Variants in PLD5 observed in about 807,000 individuals in gnomAD.
PLD5 encodes phospholipase D family member 5.
PLD5 carries 36 observed loss-of-function variants against 61.1 expected under a neutral mutation model. The ratio of observed to expected loss-of-function variants is 0.59; its 90% CI spans 0.45 to 0.78. The LOEUF (loss-of-function observed/expected upper bound fraction) is 0.78. PLD5 is among the 30% of genes least tolerant of loss of function. The pLI is 0.00. For synonymous variants in PLD5, 243 were observed against 242.8 expected (o/e 1.00, Z -0.01); for missense variants, 515 against 644.4 (o/e 0.80, Z 2.17).
At chr1:242,361,147 A>G (rs560535163) in intron 1 of PLD5, among the ~76,000 whole-genome samples, 12 of 152,158 alleles carry the variant, frequency 7.9e-5, no homozygotes, top group Admixed American at 6.5e-5. Context: ...TAACTCTCAT[A>G]AATTTATTTT....
intron 2 of PLD5, among the ~76,000 whole-genome samples, chr1:242,304,930 C>T (rs1676262523): frequency 6.6e-6 from 1 of 152,048 alleles, no homozygotes; most frequent in Admixed American, 6.6e-5. Flanking sequence ...ATGGTGAAAC[C>T]CTGTCTCTAC....
intron 7 of PLD5, among the ~76,000 whole-genome samples, chr1:242,109,549 C>T (rs1477927778): frequency 1.3e-5 from 2 of 152,188 alleles, no homozygotes; most frequent in East Asian, 1.9e-4. Context: ...CACAAGACTC[C>T]CCCAGTGGTC....
At chr1:242,247,763 T>A (rs1672474273) in intron 4 of PLD5, among the ~76,000 whole-genome samples, 1 of 152,212 alleles carries the variant, frequency 6.6e-6, no homozygotes. Context: ...GCTATTCTCC[T>A]TCAATGTGAT....
At chr1:242,249,592 C>A (rs1041079154) in intron 4 of PLD5, among the ~76,000 whole-genome samples, 3 of 152,166 alleles carry the variant, frequency 2.0e-5, no homozygotes, top group Non-Finnish European at 2.9e-5. Context: ...TCACTTAATA[C>A]CTCTGCCCAA....
At chr1:242,366,915 A>C (rs1490941459) in intron 1 of PLD5, among the ~76,000 whole-genome samples, 1 of 152,202 alleles carries the variant, frequency 6.6e-6, no homozygotes, top group Non-Finnish European at 1.5e-5. Flanking sequence ...TTTACTACTT[A>C]TAAACTTCCA....
At chr1:242,483,607 A>G (rs1667858604) in intron 1 of PLD5, among the ~76,000 whole-genome samples, 1 of 152,176 alleles carries the variant, frequency 6.6e-6, no homozygotes, top group Admixed American at 6.5e-5. Flanking sequence ...CACAGTAATA[A>G]TGGGAGACTT....
intron 4 of PLD5, among the ~76,000 whole-genome samples, chr1:242,261,684 A>C (rs1673381488): frequency 6.6e-6 from 1 of 152,226 alleles, no homozygotes; most frequent in Non-Finnish European, 1.5e-5. Flanking sequence ...AAATACTTGC[A>C]GAGGCACCTT....
At chr1:242,112,942 C>T (rs989638591) in intron 7 of PLD5, among the ~76,000 whole-genome samples, 1 of 152,218 alleles carries the variant, frequency 6.6e-6, no homozygotes, top group African/African-American at 2.4e-5. Context: ...TCATAAATTC[C>T]ATCCCTGAAT....
At chr1:242,375,118 G>C (rs1016826520) in intron 1 of PLD5, among the ~76,000 whole-genome samples, 1 of 152,124 alleles carries the variant, frequency 6.6e-6, no homozygotes, top group Non-Finnish European at 1.5e-5. Flanking sequence ...CCCGAGCTGC[G>C]TAACCATCCA....
At chr1:242,229,696 A>G (rs1443043926) in intron 4 of PLD5, among the ~76,000 whole-genome samples, 1 of 152,140 alleles carries the variant, frequency 6.6e-6, no homozygotes, top group African/African-American at 2.4e-5. Context: ...GTGAAGAGAA[A>G]TATAATTGAC....
intron 4 of PLD5, among the ~76,000 whole-genome samples, chr1:242,252,816 C>CTTTTT: frequency 8.3e-6 from 1 of 120,656 alleles, no homozygotes; most frequent in African/African-American, 3.1e-5. Flanking sequence ...TCTTCAGTGC[C>CTTTTT]TTTTTTTTTT....
At chr1:242,474,456 G>A (rs111865632) in intron 1 of PLD5, among the ~76,000 whole-genome samples, 116 of 152,252 alleles carry the variant, frequency 7.6e-4, no homozygotes, top group Admixed American at 1.9e-3. Flanking sequence ...CTTCAATTAT[G>A]TCCCTTTCTT....
intron 2 of PLD5, among the ~76,000 whole-genome samples, chr1:242,333,865 T>C (rs1659342781): frequency 1.3e-5 from 2 of 152,304 alleles, no homozygotes; most frequent in South Asian, 2.1e-4. Flanking sequence ...ATTGCATATA[T>C]ATATATACCA....
At chr1:242,380,486 A>G (rs74588437) in intron 1 of PLD5, among the ~76,000 whole-genome samples, 9,877 of 152,250 alleles carry the variant, frequency 0.065, 378 homozygotes, top group Admixed American at 0.099. Context: ...AGAATGCTCA[A>G]TGTTATTTGG....
At chr1:242,435,041 G>A (rs1206853034) in intron 1 of PLD5, among the ~76,000 whole-genome samples, 2 of 138,632 alleles carry the variant, frequency 1.4e-5, no homozygotes, top group Non-Finnish European at 3.0e-5. Flanking sequence ...TCACTCCCCA[G>A]CCCTTGTTTT....
chr1:242,170,175 C>A lies in PLD5; in HGVS notation c.736-45510G>T, dbSNP rs545565359. ...AGGTGGGGCCAACAGACACCTCATG[C>A]ATTAGAGCTCCAACTGGCATCTGGC... On this transcript the variant is annotated intron_variant, in intron 5 of 9. Transcript: ENST00000536534. 3.7e-4 allele frequency among the ~76,000 whole-genome samples: 56 copies of A among 152,306 alleles called. 1 individual carries two copies. In the South Asian group the frequency reaches 0.012, roughly 32 times the overall value.
At chr1:242,376,854 C>T in intron 1 of PLD5, 1 of 1,490,418 alleles carries the variant, frequency 6.7e-7, no homozygotes, top group Non-Finnish European at 8.9e-7. Context: ...CCACTGCAAA[C>T]TTTTTGTAAC....
At chr1:242,153,675 T>A (rs1665120866) in intron 5 of PLD5, among the ~76,000 whole-genome samples, 1 of 152,186 alleles carries the variant, frequency 6.6e-6, no homozygotes, top group African/African-American at 2.4e-5. Flanking sequence ...ATGTGTGGTA[T>A]TATTTCTGAG....
chr1:242,288,370 C>A lies in PLD5; in HGVS notation c.487G>T (p.Ala163Ser). 1.2e-6 allele frequency: 2 copies of A among 1,612,706 alleles called. No homozygotes were observed. The highest frequency in any genetic ancestry group is 8.5e-7 in the Non-Finnish European group (1 of 1,179,612). Residue 163 changes from alanine (A) to serine (S), a missense_variant, in exon 3 of 10, where the codon GCA becomes TCA. Physicochemically the swap from Ala to Ser is moderately conservative, Grantham distance 99 (BLOSUM62 1). Transcript: ENST00000536534. Reference protein sequence around the residue: ...HWDLNHTHPSACQGQRLFEKL... With the variant: ...HWDLNHTHPSSCQGQRLFEKL... ...CAGAGGATGTAGCTTACCTGACATG[C>A]TGATGGATGAGTGTGGTTGAGATCC...
Sources: allele counts gnomAD v4.1 joint callset (sites outside exome capture counted in the v4.1 genomes callset), GRCh38; gene constraint gnomAD v4.1.1; transcripts MANE v1.5; gene names NCBI Gene and HGNC (gene_info 2026-07-23, HGNC 2026-07-21).